The following OR2V1 variants were observed in gnomAD, a reference collection of about 807,000 sequenced individuals.
The protein encoded by OR2V1 is olfactory receptor family 2 subfamily V member 1, also known as olfactory receptor 2V1.
A neutral mutation model predicts 15.0 loss-of-function variants in OR2V1; 18 were observed. The observed-to-expected ratio is 1.20, with a 90% confidence interval of 0.83 to 1.78. The LOEUF (loss-of-function observed/expected upper bound fraction) is 1.78, where lower values mean the gene tolerates loss of function less well. OR2V1 is among the 40% of genes most tolerant of loss of function. The pLI, the probability that OR2V1 is intolerant of heterozygous loss-of-function variation, is 0.00. For missense variants in OR2V1, 359 were observed against 392.9 expected (o/e 0.91, Z 0.73); for synonymous variants, 144 against 146.1 (o/e 0.99, Z 0.10).
intron 2 of OR2V1, among the ~76,000 whole-genome samples, chr5:181,129,814 C>T (rs1163234675): frequency 6.6e-6 from 1 of 152,202 alleles, no homozygotes. Context: ...TTCACCTTCG[C>T]ACTCCCCACA....
At chr5:181,126,671 T>C (rs937192791) in intron 3 of OR2V1, among the ~76,000 whole-genome samples, 2 of 151,408 alleles carry the variant, frequency 1.3e-5, no homozygotes, top group African/African-American at 4.9e-5. Flanking sequence ...CATGGAAAGA[T>C]ATGCACAGAC....
intron 3 of OR2V1, among the ~76,000 whole-genome samples, chr5:181,127,448 G>A (rs1017642268): frequency 5.3e-5 from 8 of 152,146 alleles, no homozygotes; most frequent in Non-Finnish European, 1.0e-4. Context: ...ACACATGGGC[G>A]GCTGTTTATC....
In OR2V1 at chr5:181,127,541, G is replaced by A. The variant is rs111746484; in HGVS notation, c.-22+1979C>T. Reference sequence around the variant, plus strand: ...ATGAGGCTGCTCCACGGGACACCACGCTCTCTGTGCCAGGACCCCGGGGAA... The same window carrying A: ...ATGAGGCTGCTCCACGGGACACCACACTCTCTGTGCCAGGACCCCGGGGAA... On this transcript the variant is annotated intron_variant, in intron 3 of 3. Coordinates refer to ENST00000641551, the MANE Select transcript of OR2V1 (RefSeq NM_001258283.2). Among the ~76,000 whole-genome samples the A allele has an allele frequency of 2.9e-3, 436 of 152,184 alleles. 3 individuals are homozygous for A. The highest frequency in any genetic ancestry group is 9.5e-3 in the African/African-American group (396 of 41,532).
Position 181,124,502 on chromosome 5 carries a change from G to A in OR2V1, c.803C>T (p.Ala268Val), listed in dbSNP as rs752744746. The A allele has an allele frequency of 1.2e-5, 20 of 1,613,712 alleles. No homozygotes were observed. Among genetic ancestry groups the A allele is most frequent in the Non-Finnish European group, 1.6e-5 (19 of 1,179,856 alleles). Residue 268 changes from alanine (A) to valine (V), a missense_variant, in exon 4 of 4, where the codon GCC becomes GTC. Physicochemically the swap from Ala to Val is moderately conservative, Grantham distance 64. Transcript: ENST00000641551. ...FMYLRPRRYR[A>V]PSHDKVASIF... ...AGAGGCCACCTTGTCATGGCTAGGG[G>A]CCCGGTAGCGCCTAGGCCTCAGGTA...
chr5:181,127,738 T>A (rs916834812), intron 3 of OR2V1, among the ~76,000 whole-genome samples: 1 of 151,930 alleles, frequency 6.6e-6, no homozygotes, highest in Non-Finnish European at 1.5e-5. Context: ...AGGAGAGATC[T>A]ATTCCCACAG....
rs1464143560 is a variant in OR2V1, at chr5:181,123,891, A to T, written c.*466T>A. ...ATATCCACATTTGTTAGTCTAAGTC[A>T]TCAATTAAATAATTTAGAAAGAATA... On this transcript the variant is annotated 3_prime_UTR_variant, in exon 4 of 4. Coordinates refer to ENST00000641551, the MANE Select transcript of OR2V1 (RefSeq NM_001258283.2). The T allele has an allele frequency of 6.5e-6, 1 of 152,818 alleles. No individual in the cohort carries two copies. Among genetic ancestry groups the T allele is most frequent in the East Asian group, 1.9e-4 (1 of 5,218 alleles). The allele number at this position is 152,818 out of a possible 1,614,324, so 9.5% of individuals were successfully genotyped here.
intron 3 of OR2V1, among the ~76,000 whole-genome samples, chr5:181,126,503 G>A (rs937289365): frequency 6.9e-6 from 1 of 145,358 alleles, no homozygotes. Flanking sequence ...CACACACACA[G>A]ACAGACATAT....
chr5:181,126,013 T>C (rs1762866884), intron 3 of OR2V1, among the ~76,000 whole-genome samples: 1 of 152,044 alleles, frequency 6.6e-6, no homozygotes. Flanking sequence ...AAAGGAAAGA[T>C]CATGGCAACG....
chr5:181,124,783 G>A lies in OR2V1; in HGVS notation c.522C>T (p.Ser174=), dbSNP rs780236536. 30 of 1,596,712 alleles carry A rather than the reference G, an allele frequency of 1.9e-5. No individual in the cohort carries two copies. Among genetic ancestry groups the A allele is most frequent in the Middle Eastern group, 1.6e-4 (1 of 6,070 alleles). ...GTACCTCACAGAAAAAGTGATCCAC[G>A]CTCCTTGAGCCACAGTAAGGTAAGC... ...AMGLPYCGSR[S]VDHFFCEVQA... Residue 174 remains serine, a synonymous_variant, in exon 4 of 4, where the codon AGC becomes AGT. Transcript: ENST00000641551.
At position 181,123,517 on chromosome 5, in the gene OR2V1, G is replaced by T. The variant is rs1404092368; in HGVS notation, c.*840C>A. 1.3e-5 allele frequency: 2 copies of T among 155,546 alleles called. No homozygotes were observed. The highest frequency in any genetic ancestry group is 1.8e-4 in the South Asian group (1 of 5,596). 9.6% of individuals were successfully genotyped at this position (155,546 alleles called of 1,614,324 possible). On this transcript the variant is annotated 3_prime_UTR_variant, in exon 4 of 4. Transcript: ENST00000641551. ...GAGAGACAAATGGTTGCAGTCTTTT[G>T]AGTTTCCGATGAGACATTCCAAAGG...
chr5:181,123,665 C>T lies in OR2V1; in HGVS notation c.*692G>A, dbSNP rs997027552. On this transcript the variant is annotated 3_prime_UTR_variant, in exon 4 of 4. Coordinates refer to ENST00000641551, the MANE Select transcript of OR2V1 (RefSeq NM_001258283.2). ...CCTTTATCCTCGTGATTTTGGGGGCCCAAGATATCCTCCTTTCATAACACA... is the reference window on the plus strand; with the variant it reads ...CCTTTATCCTCGTGATTTTGGGGGCTCAAGATATCCTCCTTTCATAACACA... 1 of 152,230 alleles carries T rather than the reference C, an allele frequency of 6.6e-6. No homozygotes were observed. Among genetic ancestry groups the T allele is most frequent in the African/African-American group, 2.4e-5 (1 of 41,538 alleles). 9.4% of individuals were successfully genotyped at this position (152,230 alleles called of 1,614,324 possible).
At position 181,124,859 on chromosome 5, in the gene OR2V1, G is replaced by A; in HGVS notation, c.446C>T (p.Ser149Phe). ...TCCATCTATTATCCCAAAGGCCCAG[G>A]AGCTCCCAGTAATCTGGAGACAGAC... is the stretch of plus-strand genomic sequence containing the variant. ...QRVCLQITGS[S>F]WAFGIIDGVI... The change falls in exon 4 of 4, where the codon TCC becomes TTC. Residue 149 changes from serine (S) to phenylalanine (F), a missense_variant. Coordinates refer to ENST00000641551, the MANE Select transcript of OR2V1 (RefSeq NM_001258283.2). The A allele has an allele frequency of 1.9e-6, 3 of 1,607,086 alleles. No individual in the cohort carries two copies. The highest frequency in any genetic ancestry group is 1.7e-4 in the Middle Eastern group (1 of 6,050).
In OR2V1 at chr5:181,124,024, A is replaced by G; in HGVS notation, c.*333T>C. ...AAGGGCAGAAAAACACAAAAAATAA[A>G]ATAAAGAAAATAAAAAATAGAGTAA... On this transcript the variant is annotated 3_prime_UTR_variant, in exon 4 of 4. Coordinates refer to ENST00000641551, the MANE Select transcript of OR2V1 (RefSeq NM_001258283.2). 1 of 211,270 alleles carries G rather than the reference A, an allele frequency of 4.7e-6. No homozygotes were observed. The highest frequency in any genetic ancestry group is 5.8e-5 in the Admixed American group (1 of 17,132). The allele number at this position is 211,270 out of a possible 1,614,324, so 13.1% of individuals were successfully genotyped here.
At chr5:181,127,036 C>T (rs1170449719) in intron 3 of OR2V1, among the ~76,000 whole-genome samples, 8 of 152,232 alleles carry the variant, frequency 5.3e-5, no homozygotes, top group African/African-American at 1.4e-4. Flanking sequence ...CCGTGGAAGC[C>T]GGATGAAAAC....
intron 3 of OR2V1, among the ~76,000 whole-genome samples, chr5:181,128,841 C>T (rs973644767): frequency 1.6e-4 from 24 of 152,216 alleles, no homozygotes; most frequent in Admixed American, 3.3e-4. Flanking sequence ...CCCGTGTTCC[C>T]CGGTGCCACG....
At chr5:181,128,452 G>A (rs528898793) in intron 3 of OR2V1, among the ~76,000 whole-genome samples, 3 of 152,234 alleles carry the variant, frequency 2.0e-5, no homozygotes, top group Admixed American at 6.5e-5. Context: ...TAAAGCCAAA[G>A]TACTTCCAGA....
chr5:181,128,192 TCACACACA>T (rs34343246), intron 3 of OR2V1, among the ~76,000 whole-genome samples: 5 of 41,332 alleles, frequency 1.2e-4, no homozygotes, highest in African/African-American at 1.5e-4. Context: ...TGTCCTCTCC[TCACACACA>T]CACACACACA....
In OR2V1 at chr5:181,124,197, G is replaced by T; in HGVS notation, c.*160C>A. ...ATTATCTTTTTTTCCTTTTTTTTTG[G>T]TACAGAAATGTTCATAATGGCTTTT... On this transcript the variant is annotated 3_prime_UTR_variant, in exon 4 of 4. Transcript: ENST00000641551. 3.5e-6 allele frequency: 2 copies of T among 577,590 alleles called. No homozygotes were observed. Among genetic ancestry groups the T allele is most frequent in the Non-Finnish European group, 5.4e-6 (2 of 369,742 alleles). The allele number at this position is 577,590 out of a possible 1,614,324, so 35.8% of individuals were successfully genotyped here.
intron 3 of OR2V1, among the ~76,000 whole-genome samples, chr5:181,126,208 C>G (rs1045941242): frequency 6.6e-6 from 1 of 152,128 alleles, no homozygotes; most frequent in South Asian, 2.1e-4. Flanking sequence ...CCCAGCCACC[C>G]TCCTTTTTCT....
Sources: allele counts gnomAD v4.1 joint callset (sites outside exome capture counted in the v4.1 genomes callset), GRCh38; gene constraint gnomAD v4.1.1; transcripts MANE v1.5; gene names NCBI Gene and HGNC (gene_info 2026-07-23, HGNC 2026-07-21).